Variants in SORCS1 observed in about 807,000 individuals in gnomAD.
SORCS1 encodes the protein VPS10 domain-containing receptor SorCS1.
Under a neutral mutation model 146.1 loss-of-function variants are expected in SORCS1, and 60 were observed. That is an observed-to-expected ratio of 0.41 (90% CI 0.33 to 0.51). The LOEUF is 0.51. Ranked by LOEUF, SORCS1 falls within the 20% of genes least tolerant of loss-of-function variation. The probability of loss-of-function intolerance (pLI) is 0.21; values close to 1 mark genes in which losing one functional copy is unlikely to be tolerated. For missense variants in SORCS1, 1,352 were observed against 1,487.6 expected, an observed-to-expected ratio of 0.91 and a Z score of 1.50; for synonymous variants, 637 against 584.0, an observed-to-expected ratio of 1.09 and a Z score of -1.31.
At chr10:106,669,449 C>T (rs1334492056) in intron 16 of SORCS1, among the ~76,000 whole-genome samples, 1 of 151,998 alleles carries the variant, frequency 6.6e-6, no homozygotes, top group Non-Finnish European at 1.5e-5. Flanking sequence ...AAAGCTAAAC[C>T]ACTAATGTAA....
At chr10:106,666,554 C>CTT (rs1423294567) in intron 17 of SORCS1, among the ~76,000 whole-genome samples, 28 of 141,194 alleles carry the variant, frequency 2.0e-4, no homozygotes, top group East Asian at 6.1e-4. Context: ...AAATCTCTCT[C>CTT]TTTTTTTTTT....
chr10:106,824,371 C>T (rs1349134920), intron 3 of SORCS1, among the ~76,000 whole-genome samples: 2 of 150,788 alleles, frequency 1.3e-5, no homozygotes, highest in Non-Finnish European at 2.9e-5. Context: ...GCGGGTGGAT[C>T]ATGAGGTCAG....
intron 1 of SORCS1, among the ~76,000 whole-genome samples, chr10:107,066,809 G>C (rs1157292683): frequency 1.3e-5 from 2 of 152,182 alleles, no homozygotes; most frequent in Non-Finnish European, 2.9e-5. Context: ...GGAAGGAAAG[G>C]AGAATTGACA....
At chr10:106,974,882 C>T (rs918900788) in intron 1 of SORCS1, among the ~76,000 whole-genome samples, 6 of 152,164 alleles carry the variant, frequency 3.9e-5, no homozygotes, top group African/African-American at 1.2e-4. Context: ...GCTAAACTAC[C>T]TCACATGACA....
chr10:106,829,768 A>C, intron 2 of SORCS1, 95 bp from the exon 3 acceptor site: 15 of 832,192 alleles, frequency 1.8e-5, no homozygotes, highest in Non-Finnish European at 2.9e-5. Flanking sequence ...AATGGCTCTC[A>C]GGAGGTTTCT....
At chr10:107,019,556 C>T (rs1958043071) in intron 1 of SORCS1, among the ~76,000 whole-genome samples, 1 of 152,182 alleles carries the variant, frequency 6.6e-6, no homozygotes, top group South Asian at 2.1e-4. Flanking sequence ...AAAGAGAGAG[C>T]TCATTCACTC....
intron 1 of SORCS1, among the ~76,000 whole-genome samples, chr10:107,153,361 T>C (rs150336702): frequency 6.6e-6 from 1 of 152,336 alleles, no homozygotes; most frequent in East Asian, 1.9e-4. Flanking sequence ...CACATATTTA[T>C]TATGTATATA....
chr10:106,775,068 A>G (rs1860324645), intron 4 of SORCS1, among the ~76,000 whole-genome samples: 1 of 152,228 alleles, frequency 6.6e-6, no homozygotes, highest in South Asian at 2.1e-4. Flanking sequence ...GCACTCTTTG[A>G]AGTGCTGGGA....
the SORCS1 span, among the ~76,000 whole-genome samples, chr10:107,170,761 T>G: frequency 3.9e-5 from 6 of 152,174 alleles, no homozygotes; most frequent in African/African-American, 1.4e-4. Flanking sequence ...AGGCCTCCAG[T>G]CCAGATATTC....
At chr10:106,688,067 G>A (rs540110815) in intron 10 of SORCS1, 125 bp downstream of exon 10, 17 of 1,347,568 alleles carry the variant, frequency 1.3e-5, no homozygotes, top group East Asian at 2.4e-5. Context: ...TTGCCTTCAC[G>A]CCCTTCCCCA....
chr10:106,868,787 A>C (rs1950308589), intron 2 of SORCS1, among the ~76,000 whole-genome samples: 1 of 152,132 alleles, frequency 6.6e-6, no homozygotes, highest in African/African-American at 2.4e-5. Flanking sequence ...ACTGAAAGAG[A>C]AGCAAGAACA....
chr10:106,895,624 C>A lies in SORCS1; in HGVS notation c.626+60889G>T, dbSNP rs573601178. ...AGACTCTGTCTCAAAAATACTACTA[C>A]TAATAATAAAATAAATTGGAGAGGA... On this transcript the variant is annotated intron_variant, in intron 2 of 25. Coordinates refer to ENST00000263054, the MANE Select transcript of SORCS1 (RefSeq NM_052918.5). Among the ~76,000 whole-genome samples the A allele has an allele frequency of 4.6e-5, 7 of 152,208 alleles. No homozygotes were observed. In the East Asian group the frequency reaches 5.8e-4, roughly 13 times the overall value.
At chr10:107,150,633 A>C (rs1035463225) in intron 1 of SORCS1, among the ~76,000 whole-genome samples, 3 of 152,218 alleles carry the variant, frequency 2.0e-5, no homozygotes, top group Non-Finnish European at 4.4e-5. Context: ...GTCTCCATCC[A>C]AATCTCATCT....
At chr10:106,702,857 T>C (rs2135773407) in intron 8 of SORCS1, among the ~76,000 whole-genome samples, 1 of 152,308 alleles carries the variant, frequency 6.6e-6, no homozygotes, top group Non-Finnish European at 1.5e-5. Flanking sequence ...GATTTTGTAT[T>C]GAAGCATTTT....
intron 3 of SORCS1, among the ~76,000 whole-genome samples, chr10:106,828,890 C>A (rs1325998781): frequency 6.6e-6 from 1 of 152,114 alleles, no homozygotes; most frequent in Non-Finnish European, 1.5e-5. Context: ...AACCAAGACG[C>A]CTTAACTCTA....
At chr10:106,966,977 T>C (rs1180634300) in intron 1 of SORCS1, among the ~76,000 whole-genome samples, 6 of 152,226 alleles carry the variant, frequency 3.9e-5, no homozygotes, top group African/African-American at 1.2e-4. Flanking sequence ...GTCAGGTCTT[T>C]ATATTCAGTA....
chr10:106,699,811 T>G (rs1227639036), intron 8 of SORCS1, among the ~76,000 whole-genome samples: 1 of 152,148 alleles, frequency 6.6e-6, no homozygotes, highest in African/African-American at 2.4e-5. Context: ...ACCCTGCATG[T>G]CTCAGCATGG....
intron 7 of SORCS1, among the ~76,000 whole-genome samples, chr10:106,707,283 G>A (rs1282412333): frequency 6.6e-6 from 1 of 151,616 alleles, no homozygotes; most frequent in Non-Finnish European, 1.5e-5. Context: ...CCGCCTCCCA[G>A]GTTCAAGTGA....
chr10:106,579,348 C>T (rs754367774), intron 25 of SORCS1, 21 bp downstream of exon 25: 11 of 1,613,806 alleles, frequency 6.8e-6, no homozygotes, highest in South Asian at 1.1e-5. Flanking sequence ...GGTGGGGGAA[C>T]GTGGATAGAG....
Sources: gnomAD v4.1 joint callset for allele counts (sites outside exome capture counted in the v4.1 genomes callset) on GRCh38, gnomAD v4.1.1 for gene constraint, MANE v1.5 for transcripts, NCBI Gene and HGNC (gene_info 2026-07-23, HGNC 2026-07-21) for gene names.